The following EPHB2 variants were observed in gnomAD, a reference collection of about 807,000 sequenced individuals.
EPHB2 encodes the protein EPH receptor B2.
EPHB2 carries 18 observed loss-of-function variants against 96.4 expected under a neutral mutation model. The ratio of observed to expected loss-of-function variants is 0.19; its 90% confidence interval spans 0.13 to 0.28. The LOEUF (loss-of-function observed/expected upper bound fraction) is 0.28, where lower values mean the gene tolerates loss of function less well. EPHB2 is among the 10% of genes least tolerant of loss of function. EPHB2 has a pLI of 1.00. For synonymous variants in EPHB2, 506 were observed against 534.1 expected (o/e 0.95, Z 0.72); for missense variants, 989 against 1,355.4 (o/e 0.73, Z 4.25).
rs778821289 is a variant in EPHB2, at chr1:22,913,736, T to C, written c.*166T>C. Reference sequence around the variant, plus strand: ...GCCACGAGACGTCACCAAGAAAACATGCAACTCAAACGACGGAAAAAAAAA... The same window carrying C: ...GCCACGAGACGTCACCAAGAAAACACGCAACTCAAACGACGGAAAAAAAAA... On this transcript the variant is annotated 3_prime_UTR_variant, in exon 16 of 16. Transcript: ENST00000374630. This position sits in a 1 kb window ranked among gnomAD's most constrained non-coding sequence, Gnocchi z 4.1. The C allele has an allele frequency of 3.7e-6, 6 of 1,600,962 alleles. No homozygotes were observed. Among genetic ancestry groups the C allele is most frequent in the South Asian group, 2.2e-5 (2 of 89,324 alleles).
chr1:22,831,525 CTAT>C (rs558810032), intron 3 of EPHB2, among the ~76,000 whole-genome samples: 42 of 152,098 alleles, frequency 2.8e-4, no homozygotes, highest in African/African-American at 9.6e-4. Flanking sequence ...AGTCAGTCTA[CTAT>C]TATTTCCATT....
chr1:22,753,343 G>A (rs1644093960), intron 1 of EPHB2, among the ~76,000 whole-genome samples: 1 of 152,186 alleles, frequency 6.6e-6, no homozygotes, highest in Non-Finnish European at 1.5e-5. Context: ...CACATCAAAT[G>A]CTCGGCACAC....
At chr1:22,727,832 G>T (rs1205967796) in intron 1 of EPHB2, among the ~76,000 whole-genome samples, 1 of 149,720 alleles carries the variant, frequency 6.7e-6, no homozygotes, top group Non-Finnish European at 1.5e-5. Context: ...AATGGAGATG[G>T]GGTCTCCTCT....
chr1:22,770,173 G>A (rs1483215505), intron 1 of EPHB2, among the ~76,000 whole-genome samples: 3 of 152,074 alleles, frequency 2.0e-5, no homozygotes, highest in Non-Finnish European at 2.9e-5. Flanking sequence ...ATGGATAAGC[G>A]TATAGATGTG....
Position 22,854,435 on chromosome 1 carries a change from C to T in EPHB2, c.812-8602C>T, listed in dbSNP as rs564891736. ...GCTGAAGTGGGAGGATCACATGAGCCCAGGAAGTCGAGGCTGCAGTGAGCC... is the reference window on the plus strand; with the variant it reads ...GCTGAAGTGGGAGGATCACATGAGCTCAGGAAGTCGAGGCTGCAGTGAGCC... On this transcript the variant is annotated intron_variant, in intron 3 of 15. Transcript: ENST00000374630. Among the ~76,000 whole-genome samples the T allele has an allele frequency of 6.0e-4, 92 of 152,214 alleles. 1 individual carries two copies. Among genetic ancestry groups the T allele is most frequent in the African/African-American group, 2.2e-3 (91 of 41,524 alleles).
chr1:22,898,145 A>G (rs1177556661), intron 9 of EPHB2, among the ~76,000 whole-genome samples: 1 of 151,922 alleles, frequency 6.6e-6, no homozygotes, highest in Non-Finnish European at 1.5e-5. Flanking sequence ...CAAAAGAAAA[A>G]AGAAGAAAAG....
chr1:22,791,429 C>T (rs1251716041), intron 3 of EPHB2, among the ~76,000 whole-genome samples: 2 of 147,964 alleles, frequency 1.4e-5, no homozygotes, highest in East Asian at 2.0e-4. Context: ...TGGACTTCTG[C>T]TTAAATTACA....
chr1:22,881,902 G>A (rs1031585021), intron 5 of EPHB2, among the ~76,000 whole-genome samples: 1 of 152,124 alleles, frequency 6.6e-6, no homozygotes, highest in African/African-American at 2.4e-5. Context: ...CATGTACTAA[G>A]GTATTTCTAA....
At chr1:22,783,399 C>T (rs550426579) in intron 2 of EPHB2, among the ~76,000 whole-genome samples, 1 of 152,332 alleles carries the variant, frequency 6.6e-6, no homozygotes, top group African/African-American at 2.4e-5. Flanking sequence ...GGGAGAAGGA[C>T]AGGAGGGGTG....
At chr1:22,796,560 C>A (rs895242056) in intron 3 of EPHB2, among the ~76,000 whole-genome samples, 5 of 152,150 alleles carry the variant, frequency 3.3e-5, no homozygotes, top group Non-Finnish European at 5.9e-5. Flanking sequence ...TCCTCTCTGT[C>A]CCCCCCATCC....
intron 7 of EPHB2, 36 bp downstream of exon 7, chr1:22,893,082 A>G (rs138034774): frequency 3.1e-6 from 5 of 1,613,858 alleles, no homozygotes; most frequent in Admixed American, 1.7e-5. Context: ...GAGGGCACAG[A>G]CTCCACAAAC....
rs368350592 is a variant in EPHB2 at position 22,870,921 on chromosome 1, A to T, written c.1303+5709A>T. 1.8e-3 allele frequency among the ~76,000 whole-genome samples: 274 copies of T among 152,338 alleles called. 1 individual carries two copies. Among genetic ancestry groups the T allele is most frequent in the African/African-American group, 6.3e-3 (260 of 41,570 alleles). The stretch of plus-strand genomic sequence containing the variant: ...TCGCCCTCTCCTTACAGGAGGATTT[A>T]GCTGTGAGGATTTCAGCTAAGCTAT... On this transcript the variant is annotated intron_variant, in intron 5 of 15. Coordinates refer to ENST00000374630, the MANE Select transcript of EPHB2 (RefSeq NM_017449.5).
Position 22,858,672 on chromosome 1 carries a change from G to A in EPHB2, c.812-4365G>A, listed in dbSNP as rs575856584. Among the ~76,000 whole-genome samples, 45 of 152,180 alleles carry A rather than the reference G, an allele frequency of 3.0e-4. No individual in the cohort carries two copies. Among genetic ancestry groups the A allele is most frequent in the East Asian group, 5.8e-4 (3 of 5,164 alleles). ...GAAGTTGGGAGTGGTGTGGCCCCCC[G>A]GGCACTGTGGGCAGTGGCCACCCAG... On this transcript the variant is annotated intron_variant, in intron 3 of 15. Coordinates refer to ENST00000374630, the MANE Select transcript of EPHB2 (RefSeq NM_017449.5). This position sits in a 1 kb window ranked among gnomAD's most constrained non-coding sequence, Gnocchi z 7.7.
intron 3 of EPHB2, among the ~76,000 whole-genome samples, chr1:22,797,604 G>A (rs1041682953): frequency 6.6e-6 from 1 of 152,014 alleles, no homozygotes; most frequent in African/African-American, 2.4e-5. Flanking sequence ...CTATTCTGAA[G>A]TCCAGACTCA....
chr1:22,779,456 G>T (rs1157779902), intron 1 of EPHB2, among the ~76,000 whole-genome samples: 2 of 152,116 alleles, frequency 1.3e-5, no homozygotes, highest in Non-Finnish European at 2.9e-5. Flanking sequence ...TCTGACTGGG[G>T]TCACCTCTGA....
chr1:22,906,671 G>T lies in EPHB2; in HGVS notation c.1889-39G>T. On this transcript the variant is annotated intron_variant, in intron 10 of 15. Coordinates refer to ENST00000374630, the MANE Select transcript of EPHB2 (RefSeq NM_017449.5). The surrounding 1 kb of genome is among the most constrained non-coding windows in gnomAD (Gnocchi z 4.8). ...AACAGGAAGGTGGCCCTTCCACCTG[G>T]CAAGTGACATCCTGTCTGTCTTGGT... The T allele has an allele frequency of 6.2e-7, 1 of 1,613,484 alleles. No homozygotes were observed.
chr1:22,794,259 C>T (rs534627345), intron 3 of EPHB2, among the ~76,000 whole-genome samples: 1 of 152,206 alleles, frequency 6.6e-6, no homozygotes, highest in East Asian at 1.9e-4. Flanking sequence ...AGGAGGGCTT[C>T]TTGGGAGAGG....
chr1:22,884,510 C>G (rs921892440), intron 6 of EPHB2, among the ~76,000 whole-genome samples: 4 of 151,538 alleles, frequency 2.6e-5, no homozygotes, highest in South Asian at 2.1e-4. Flanking sequence ...ATCCCAGCTA[C>G]TCAGGAAGCT....
At position 22,803,100 on chromosome 1, in the gene EPHB2, C is replaced by T. The variant is rs79220504; in HGVS notation, c.811+18024C>T. ...ACCTGGAGGACAAGCAAGAAATAGC[C>T]TGAGGAGGCTCTGGCTATCCTAACC... is the stretch of plus-strand genomic sequence containing the variant. On this transcript the variant is annotated intron_variant, in intron 3 of 15. Transcript: ENST00000374630. Among the ~76,000 whole-genome samples, 226 of 152,276 alleles carry T rather than the reference C, an allele frequency of 1.5e-3. 5 individuals are homozygous for T. The East Asian group carries it at 0.035, about 23-fold the overall frequency.
Sources: allele counts gnomAD v4.1 joint callset (sites outside exome capture counted in the v4.1 genomes callset), GRCh38; gene constraint gnomAD v4.1.1; non-coding constraint Gnocchi (gnomAD v3.1); transcripts MANE v1.5; gene names NCBI Gene and HGNC (gene_info 2026-07-23, HGNC 2026-07-21).